AHI1: variants seen among roughly 807,000 people sequenced by gnomAD.
AHI1 encodes the protein jouberin.
Under a neutral mutation model 149.3 loss-of-function variants are expected in AHI1, and 123 were observed. The ratio of observed to expected loss-of-function variants is 0.82; its 90% confidence interval spans 0.71 to 0.96. The LOEUF is 0.96. Among genes scored for constraint, AHI1 ranks in the 40% least tolerant of loss-of-function variants. AHI1 has a pLI of 0.00. For missense variants in AHI1, 1,439 were observed against 1,422.7 expected, an observed-to-expected ratio of 1.01 and a Z score of -0.18; for synonymous variants, 475 against 459.8, an observed-to-expected ratio of 1.03 and a Z score of -0.42.
Position 135,307,075 on chromosome 6 carries a change from T to TA in AHI1, c.3427-6518dup, listed in dbSNP as rs1784609529. 3.3e-5 allele frequency: 5 copies of TA among 152,106 alleles called. No individual in the cohort carries two copies. In the South Asian group the frequency reaches 1.0e-3, roughly 32 times the overall value. The allele number at this position is 152,106 out of a possible 1,614,324, so 9.4% of individuals were successfully genotyped here. A position where few individuals can be genotyped will look rare whatever the true frequency, so the allele number is the denominator to read the frequency against. ...AGAGGTGGCTGCTTAAAAACGCCTATAGCAATGGGGAAGCGGTAAGAGAGG... is the reference window on the plus strand; with the variant it reads ...AGAGGTGGCTGCTTAAAAACGCCTATAAGCAATGGGGAAGCGGTAAGAGAGG... On this transcript the variant is annotated intron_variant, in intron 26 of 28. Transcript: ENST00000265602.
Position 135,387,988 on chromosome 6 carries a change from T to G in AHI1, c.3109+6788A>C, listed in dbSNP as rs1355798283. 4 of 1,613,474 alleles carry G rather than the reference T, an allele frequency of 2.5e-6. No homozygotes were observed. The Admixed American group carries it at 6.7e-5, about 27-fold the overall frequency. ...GGCTGGCTGACCCTGAGTCTAGTGCTTTTTCCACCATAATATACATGTGTT... is the reference window on the plus strand; with the variant it reads ...GGCTGGCTGACCCTGAGTCTAGTGCGTTTTCCACCATAATATACATGTGTT... On this transcript the variant is annotated intron_variant, in intron 23 of 28. Coordinates refer to ENST00000265602, the MANE Select transcript of AHI1 (RefSeq NM_001134831.2).
At chr6:135,451,470 A>C (rs1005869482) in intron 11 of AHI1, among the ~76,000 whole-genome samples, 28 of 152,184 alleles carry the variant, frequency 1.8e-4, no homozygotes, top group African/African-American at 6.3e-4. Flanking sequence ...AAGACCTAGT[A>C]AAATAAGGAC....
In AHI1 at chr6:135,314,267, G is replaced by A. The variant is rs372819801; in HGVS notation, c.3426+4252C>T. Among the ~76,000 whole-genome samples, 15 of 152,286 alleles carry A rather than the reference G, an allele frequency of 9.8e-5. 1 individual carries two copies. The highest frequency in any genetic ancestry group is 1.9e-4 in the East Asian group (1 of 5,184). ...TAAATGGTATTGGTGCTTTTATAAT[G>A]AGAGACACAAAAAAGCTTGCTTCCT... On this transcript the variant is annotated intron_variant, in intron 26 of 28. Transcript: ENST00000265602.
At chr6:135,438,235 G>A (rs1785707425) in intron 15 of AHI1, 140 bp downstream of exon 15, 1 of 717,168 alleles carries the variant, frequency 1.4e-6, no homozygotes, top group Admixed American at 3.8e-5. Context: ...TATGGAATCA[G>A]TCTGCATGAT....
intron 13 of AHI1, among the ~76,000 whole-genome samples, chr6:135,445,360 G>A (rs76484535): frequency 0.034 from 5,150 of 152,166 alleles, 142 homozygotes; most frequent in African/African-American, 0.069. Context: ...TATCAGCAAT[G>A]CTTCTTGCCA....
At chr6:135,486,688 CACTTTT>C (rs758685611) in intron 5 of AHI1, among the ~76,000 whole-genome samples, 7 of 152,082 alleles carry the variant, frequency 4.6e-5, no homozygotes, top group Non-Finnish European at 7.3e-5. Flanking sequence ...TATTTTTGCA[CACTTTT>C]ACTTTTAAAC....
intron 16 of AHI1, among the ~76,000 whole-genome samples, chr6:135,432,817 T>C (rs1359695246): frequency 2.6e-5 from 4 of 152,300 alleles, no homozygotes; most frequent in African/African-American, 9.6e-5. Context: ...TAGCAAAGAT[T>C]AATTGAATCT....
chr6:135,448,218 T>A, intron 12 of AHI1, 72 bp downstream of exon 12: 2 of 1,123,862 alleles, frequency 1.8e-6, no homozygotes, highest in Non-Finnish European at 1.2e-6. Flanking sequence ...TTTTTAGAAA[T>A]GAAAAACATG....
chr6:135,368,458 A>G (rs1387615649), intron 23 of AHI1, among the ~76,000 whole-genome samples: 1 of 152,134 alleles, frequency 6.6e-6, no homozygotes, highest in East Asian at 1.9e-4. Flanking sequence ...CCAAGAGATT[A>G]TATCCTTTGT....
chr6:135,431,098 T>C (rs559136399), intron 17 of AHI1, 110 bp downstream of exon 17: 1 of 684,456 alleles, frequency 1.5e-6, no homozygotes, highest in South Asian at 2.7e-5. Flanking sequence ...AAACTGTTAA[T>C]TTTTTGAAAT....
chr6:135,337,442 G>C (rs138807315), intron 24 of AHI1, among the ~76,000 whole-genome samples: 322 of 152,190 alleles, frequency 2.1e-3, no homozygotes, highest in Non-Finnish European at 3.5e-3. Flanking sequence ...TTACTAAAAT[G>C]ATAGAAGAAA....
intron 5 of AHI1, among the ~76,000 whole-genome samples, chr6:135,471,966 T>C (rs1426572471): frequency 7.9e-6 from 1 of 126,210 alleles, no homozygotes. Context: ...GAGCCGAGAT[T>C]GCGCCACTGC....
At position 135,290,443 on chromosome 6, in the gene AHI1, T is replaced by C. The variant is rs1412680004; in HGVS notation, c.3568A>G (p.Arg1190Gly). The C allele has an allele frequency of 7.5e-6, 12 of 1,605,678 alleles. No individual in the cohort carries two copies. Among genetic ancestry groups the C allele is most frequent in the Non-Finnish European group, 8.5e-6 (10 of 1,172,354 alleles). ...CTTACCTCTATTAGAGTGACTTTTC[T>C]GCCTGCTTGCTTGTTCTTCCTCATC... ...TRMRKNKQAG[R>G]KVTLIE Residue 1190 changes from arginine (R) to glycine (G), a missense_variant, in exon 28 of 29, where the codon AGA (arginine) becomes GGA (glycine). Physicochemically the swap from Arg to Gly is moderately radical, Grantham distance 125. Transcript: ENST00000265602.
intron 24 of AHI1, 132 bp downstream of exon 24, chr6:135,358,000 G>A: frequency 1.4e-6 from 1 of 713,486 alleles, no homozygotes; most frequent in South Asian, 1.8e-5. Context: ...ACATTAATAT[G>A]AACAAATCTT....
intron 23 of AHI1, among the ~76,000 whole-genome samples, chr6:135,382,521 C>G (rs1009430372): frequency 6.6e-6 from 1 of 152,126 alleles, no homozygotes; most frequent in Non-Finnish European, 1.5e-5. Flanking sequence ...AGACTGTTCA[C>G]TATCCAGACC....
chr6:135,487,276 T>G (rs1159229089), intron 5 of AHI1, among the ~76,000 whole-genome samples: 1 of 152,144 alleles, frequency 6.6e-6, no homozygotes, highest in African/African-American at 2.4e-5. Context: ...TATTTCAAAC[T>G]CTAGGATGAA....
At chr6:135,296,805 T>TA (rs1182037232) in intron 27 of AHI1, among the ~76,000 whole-genome samples, 1 of 152,256 alleles carries the variant, frequency 6.6e-6, no homozygotes, top group Non-Finnish European at 1.5e-5. Flanking sequence ...AGGGATTTTT[T>TA]ATCTGTTTAC....
At chr6:135,477,409 T>C (rs1428159091) in intron 5 of AHI1, among the ~76,000 whole-genome samples, 9 of 152,214 alleles carry the variant, frequency 5.9e-5, no homozygotes, top group Admixed American at 2.0e-4. Flanking sequence ...ATTGGCTTTT[T>C]AGCTATCCTT....
chr6:135,388,874 T>C (rs1273580090), intron 23 of AHI1, among the ~76,000 whole-genome samples: 2 of 151,606 alleles, frequency 1.3e-5, no homozygotes, highest in Non-Finnish European at 2.9e-5. Flanking sequence ...TAGCTAGGCA[T>C]GGTGGCAGGC....
Sources: gnomAD v4.1 joint callset for allele counts (sites outside exome capture counted in the v4.1 genomes callset) on GRCh38, gnomAD v4.1.1 for gene constraint, MANE v1.5 for transcripts, NCBI Gene and HGNC (gene_info 2026-07-23, HGNC 2026-07-21) for gene names.